The following FAM186A variants were observed in gnomAD, a reference collection of about 807,000 sequenced individuals.
The protein encoded by FAM186A is family with sequence similarity 186 member A, also known as protein FAM186A.
In FAM186A, 163 loss-of-function variants were observed where a neutral mutation model predicts 216.8. The observed-to-expected ratio is 0.75, with a 90% CI of 0.66 to 0.86. The LOEUF is 0.86. Among genes scored for constraint, FAM186A ranks in the 40% least tolerant of loss-of-function variants. The probability of loss-of-function intolerance (pLI) is 0.00; values close to 1 mark genes in which losing one functional copy is unlikely to be tolerated. For missense variants in FAM186A, 2,184 were observed against 2,746.2 expected (o/e 0.80, Z 4.58); for synonymous variants, 805 against 1,025.3 (o/e 0.79, Z 4.10).
intron 4 of FAM186A, among the ~76,000 whole-genome samples, chr12:50,350,126 AT>A (rs1942859435): frequency 6.6e-6 from 1 of 152,166 alleles, no homozygotes; most frequent in Non-Finnish European, 1.5e-5. Context: ...GATGAAATGG[AT>A]CACGTTATAT....
chr12:50,348,038 AT>A lies in FAM186A; in HGVS notation c.6503+2290del, dbSNP rs71083540. On this transcript the variant is annotated intron_variant, in intron 4 of 7. Transcript: ENST00000327337. The stretch of plus-strand genomic sequence containing the variant: ...CAGGTGTGAGCCACAATGCCTGGTA[AT>A]TTTTTTTTTTTTTTTTTTTTTTTGA... Among the ~76,000 whole-genome samples the A allele has an allele frequency of 7.6e-3, 620 of 81,340 alleles. 2 individuals carry two copies. The highest frequency in any genetic ancestry group is 0.012 in the African/African-American group (237 of 20,108). 53.4% of individuals were successfully genotyped at this position (81,340 alleles called of 152,430 possible).
In FAM186A at chr12:50,356,054, A is replaced by G; in HGVS notation, c.778T>C (p.Tyr260His). ...FSTLENNAIK[Y>H]ISSTIVNLST... is the part of the protein sequence containing the mutation. ...AGGTTTACTATTGTTGATGATATAT[A>G]TTTAATAGCATTGTTTTCCAATGTA... Residue 260 changes from tyrosine to histidine, a missense_variant, in exon 4 of 8, where the codon TAT becomes CAT. This residue lies in a region of FAM186A where 1,132 missense variants were observed against 1,263.4 expected (regional missense o/e 0.90). Transcript: ENST00000327337. The G allele has an allele frequency of 6.4e-7, 1 of 1,551,612 alleles. No individual in the cohort carries two copies. The highest frequency in any genetic ancestry group is 2.4e-5 in the East Asian group (1 of 40,908).
intron 4 of FAM186A, among the ~76,000 whole-genome samples, chr12:50,341,150 C>T (rs1265844118): frequency 1.3e-5 from 2 of 152,084 alleles, no homozygotes; most frequent in African/African-American, 2.4e-5. Context: ...TATATTTCAC[C>T]GATCATGAGG....
chr12:50,346,488 G>A (rs1942818750), intron 4 of FAM186A, among the ~76,000 whole-genome samples: 1 of 152,126 alleles, frequency 6.6e-6, no homozygotes, highest in South Asian at 2.1e-4. Flanking sequence ...GCCTCCTACA[G>A]TGTTGGGAGA....
In FAM186A at chr12:50,351,596, T is replaced by C; in HGVS notation, c.5236A>G (p.Thr1746Ala). 4 of 1,551,328 alleles carry C rather than the reference T, an allele frequency of 2.6e-6. No individual in the cohort carries two copies. The highest frequency in any genetic ancestry group is 3.5e-6 in the Non-Finnish European group (4 of 1,146,786). ...LRLSLASSAP[T>A]AEKSSIFGVS... ...CCGAATATAGAGGACTTCTCAGCAG[T>C]AGGAGCTGATGATGCCAGGGACAGC... Residue 1746 changes from threonine to alanine, a missense_variant, in exon 4 of 8, where the codon ACT becomes GCT. By Grantham distance (58) the Thr-to-Ala change is moderately conservative (BLOSUM62 0). This residue lies in a region of FAM186A where 721 missense variants were observed against 816.4 expected (regional missense o/e 0.88). Coordinates refer to ENST00000327337, the MANE Select transcript of FAM186A (RefSeq NM_001145475.3).
intron 1 of FAM186A, among the ~76,000 whole-genome samples, chr12:50,367,828 CAA>C (rs1480986638): frequency 6.6e-6 from 1 of 152,058 alleles, no homozygotes; most frequent in Admixed American, 6.6e-5. Flanking sequence ...ATTAAGAAAA[CAA>C]TGCCATTTAT....
chr12:50,361,103 G>C (rs1021405155), intron 2 of FAM186A, among the ~76,000 whole-genome samples, 177 bp from the exon 3 acceptor site: 9 of 152,176 alleles, frequency 5.9e-5, no homozygotes, highest in Non-Finnish European at 1.2e-4. Context: ...AAGAAACTTG[G>C]AATAGAAGGC....
chr12:50,351,252 C>T lies in FAM186A; in HGVS notation c.5580G>A (p.Gln1860=), dbSNP rs1251147814. The T allele has an allele frequency of 6.4e-7, 1 of 1,551,302 alleles. No homozygotes were observed. Among genetic ancestry groups the T allele is most frequent in the Admixed American group, 2.0e-5 (1 of 50,952 alleles). The change falls in exon 4 of 8, where the codon CAG becomes CAA. Residue 1860 remains glutamine, a synonymous_variant. Transcript: ENST00000327337. ...TGGAAGAGGCTTCAGGAACTAAGGG[C>T]TGCCCAGGAGAAAGAGGAGCCCAGA... ...PSLWAPLSPG[Q]PLVPEASSIP...
At position 50,350,734 on chromosome 12, in the gene FAM186A, T is replaced by C. The variant is rs149591363; in HGVS notation, c.6098A>G (p.Asp2033Gly). The C allele has an allele frequency of 1.8e-4, 282 of 1,551,662 alleles. 2 individuals are homozygous for C. The African/African-American group carries it at 2.9e-3, about 16-fold the overall frequency. The change falls in exon 4 of 8, where the codon GAT (aspartate) becomes GGT (glycine). Residue 2033 changes from aspartate (D) to glycine (G), a missense_variant. This residue lies in a region of FAM186A where 721 missense variants were observed against 816.4 expected (regional missense o/e 0.88). Coordinates refer to ENST00000327337, the MANE Select transcript of FAM186A (RefSeq NM_001145475.3). ...RTPVYQTPYT[D>G]ERALLTLMKP... is the part of the protein sequence containing the mutation. ...CATGAGAGTGAGAAGGGCCCTTTCA[T>C]CAGTGTAAGGGGTTTGGTATACTGG... is the stretch of plus-strand genomic sequence containing the variant.
chr12:50,338,162 G>A (rs1592599054), intron 4 of FAM186A, among the ~76,000 whole-genome samples: 1 of 152,122 alleles, frequency 6.6e-6, no homozygotes, highest in Non-Finnish European at 1.5e-5. Context: ...CTGTTGTGCT[G>A]CAAGCTACAT....
intron 4 of FAM186A, among the ~76,000 whole-genome samples, chr12:50,338,623 A>C (rs562739286): frequency 6.6e-6 from 1 of 152,322 alleles, no homozygotes; most frequent in East Asian, 1.9e-4. Context: ...TTTAAGAGAA[A>C]GCATGATTAG....
intron 1 of FAM186A, among the ~76,000 whole-genome samples, chr12:50,366,470 T>C (rs1374737692): frequency 6.6e-6 from 1 of 152,048 alleles, no homozygotes; most frequent in Admixed American, 6.6e-5. Context: ...TGATGAATAT[T>C]GATACAGAAA....
At chr12:50,342,431 GA>G (rs1262342902) in intron 4 of FAM186A, among the ~76,000 whole-genome samples, 9 of 151,454 alleles carry the variant, frequency 5.9e-5, no homozygotes, top group South Asian at 2.1e-4. Flanking sequence ...AACTAAGGGG[GA>G]AAAATCTCCT....
intron 1 of FAM186A, among the ~76,000 whole-genome samples, chr12:50,372,869 C>A (rs1943154587): frequency 7.0e-6 from 1 of 143,478 alleles, no homozygotes; most frequent in South Asian, 2.2e-4. Context: ...CCACTGCACT[C>A]CAGTCTCCTG....
chr12:50,360,989 G>A, intron 2 of FAM186A, 63 bp from the exon 3 acceptor site: 1 of 1,288,628 alleles, frequency 7.8e-7, no homozygotes. Context: ...AGCTACATAG[G>A]CTTATAATAT....
At chr12:50,374,998 C>T (rs115040424) in intron 1 of FAM186A, among the ~76,000 whole-genome samples, 1,738 of 151,444 alleles carry the variant, frequency 0.011, 42 homozygotes, top group African/African-American at 0.04. Flanking sequence ...GCCAACATGA[C>T]GAAACTCCCT....
intron 1 of FAM186A, among the ~76,000 whole-genome samples, chr12:50,374,978 G>A (rs1255253310): frequency 6.6e-6 from 1 of 152,068 alleles, no homozygotes; most frequent in African/African-American, 2.4e-5. Flanking sequence ...AGAAGTTCAG[G>A]ACCAGACTGG....
At chr12:50,365,292 A>G (rs186164665) in intron 1 of FAM186A, among the ~76,000 whole-genome samples, 13 of 152,214 alleles carry the variant, frequency 8.5e-5, no homozygotes, top group Admixed American at 4.6e-4. Flanking sequence ...TTTTAATTTT[A>G]TGTATCAATG....
At position 50,354,240 on chromosome 12, in the gene FAM186A, T is replaced by G. The variant is rs1297428034; in HGVS notation, c.2592A>C (p.Lys864Asn). 10 of 1,551,572 alleles carry G rather than the reference T, an allele frequency of 6.4e-6. No homozygotes were observed. The change falls in exon 4 of 8, where the codon AAA (lysine) becomes AAC (asparagine). Residue 864 changes from lysine (K) to asparagine (N), a missense_variant. Physicochemically the swap from Lys to Asn is moderately conservative, Grantham distance 94. Around this residue, in one of 7 missense-constraint regions of FAM186A, gnomAD observed 1,132 missense variants for 1,263.4 expected, o/e 0.90. Transcript: ENST00000327337. ...YEKISENWEE[K>N]KAWLQMKEGK... ...CCTCCTTCATCTGGAGCCATGCCTT[T>G]TTTTCTTCCCAATTCTCACTTATCT... is the stretch of plus-strand genomic sequence containing the variant.
Sources: allele counts gnomAD v4.1 joint callset (sites outside exome capture counted in the v4.1 genomes callset), GRCh38; gene constraint gnomAD v4.1.1; regional missense constraint gnomAD v4.1.1; transcripts MANE v1.5; gene names NCBI Gene and HGNC (gene_info 2026-07-23, HGNC 2026-07-21).